EMID1: variants seen among roughly 807,000 people sequenced by gnomAD.
EMID1 encodes EMI domain-containing protein 1.
A neutral mutation model predicts 60.6 loss-of-function variants in EMID1; 40 were observed. The ratio of observed to expected loss-of-function variants is 0.66; its 90% CI spans 0.51 to 0.86. The LOEUF (loss-of-function observed/expected upper bound fraction) is 0.86. EMID1 is among the 40% of genes least tolerant of loss of function. The pLI, the probability that EMID1 is intolerant of heterozygous loss-of-function variation, is 0.00. For synonymous variants in EMID1, 242 were observed against 231.0 expected (o/e 1.05, Z -0.43); for missense variants, 585 against 597.1 (o/e 0.98, Z 0.21).
In EMID1 at chr22:29,256,293, C is replaced by G. The variant is rs557141960; in HGVS notation, c.1204+2006C>G. Among the ~76,000 whole-genome samples the G allele has an allele frequency of 2.6e-5, 4 of 151,812 alleles. No individual in the cohort carries two copies. The East Asian group carries it at 7.8e-4, about 29-fold the overall frequency. ...TTCAAGACCAGCCTGGGCAACATGGCGAAACCCCGTCTCTACTAAAAATTA... is the reference window on the plus strand; with the variant it reads ...TTCAAGACCAGCCTGGGCAACATGGGGAAACCCCGTCTCTACTAAAAATTA... On this transcript the variant is annotated intron_variant, in intron 14 of 14. Coordinates refer to ENST00000334018, the MANE Select transcript of EMID1 (RefSeq NM_133455.4).
rs559166638 is a variant in EMID1, at chr22:29,249,640, G to T, written c.1120-4563G>T. On this transcript the variant is annotated intron_variant, in intron 13 of 14. Coordinates refer to ENST00000334018, the MANE Select transcript of EMID1 (RefSeq NM_133455.4). ...TTTATTTATTTATTTTTGAGATGGAGTTTCACTCTTGTTGCCCAGGCTGGA... is the reference window on the plus strand; with the variant it reads ...TTTATTTATTTATTTTTGAGATGGATTTTCACTCTTGTTGCCCAGGCTGGA... Among the ~76,000 whole-genome samples the T allele has an allele frequency of 9.4e-5, 14 of 148,944 alleles. No homozygotes were observed. The South Asian group carries it at 3.0e-3, about 32-fold the overall frequency.
In EMID1 at chr22:29,216,229, GGCTGAGCACCCT is replaced by G. The variant is rs749944322; in HGVS notation, c.319+602_319+613del. 3.3e-4 allele frequency: 290 copies of G among 892,046 alleles called. 1 individual carries two copies. The Admixed American group carries it at 4.1e-3, about 13-fold the overall frequency. The allele number at this position is 892,046 out of a possible 1,614,324, so 55.3% of individuals were successfully genotyped here. On this transcript the variant is annotated intron_variant, in intron 3 of 14. Coordinates refer to ENST00000334018, the MANE Select transcript of EMID1 (RefSeq NM_133455.4). ...CTGTGTGTACCTCTGGGTGGCTCAGGGCTGAGCACCCTGCAGGGGCACAGAGGAGGCAGCCTG... is the reference window on the plus strand; with the variant it reads ...CTGTGTGTACCTCTGGGTGGCTCAGGGCAGGGGCACAGAGGAGGCAGCCTG...
At chr22:29,212,763 C>T (rs915916470) in intron 1 of EMID1, among the ~76,000 whole-genome samples, 3 of 152,150 alleles carry the variant, frequency 2.0e-5, no homozygotes, top group Non-Finnish European at 4.4e-5. Context: ...CAGGGTTTCT[C>T]CATGTTGCCC....
chr22:29,211,251 G>A (rs1444394311), intron 1 of EMID1, among the ~76,000 whole-genome samples: 1 of 152,248 alleles, frequency 6.6e-6, no homozygotes, highest in African/African-American at 2.4e-5. Context: ...TGAGGGCACA[G>A]AGTCCTGTAT....
chr22:29,227,299 C>T (rs1189238394), intron 5 of EMID1, among the ~76,000 whole-genome samples: 2 of 152,084 alleles, frequency 1.3e-5, no homozygotes, highest in Admixed American at 6.5e-5. Context: ...CCATGTTGCC[C>T]AGGCTGGTCT....
chr22:29,255,924 G>A (rs1260386750), intron 14 of EMID1, among the ~76,000 whole-genome samples: 7 of 152,164 alleles, frequency 4.6e-5, no homozygotes, highest in Admixed American at 4.6e-4. Context: ...GTCCTAGAAG[G>A]CAGGTTGGGG....
chr22:29,224,449 C>T (rs542642898), intron 3 of EMID1, among the ~76,000 whole-genome samples: 63 of 152,252 alleles, frequency 4.1e-4, no homozygotes, highest in Non-Finnish European at 4.9e-4. Flanking sequence ...CCAGCCAGGG[C>T]GGCTGGGGAG....
At chr22:29,256,105 C>T (rs1246661870) in intron 14 of EMID1, among the ~76,000 whole-genome samples, 6 of 152,128 alleles carry the variant, frequency 3.9e-5, no homozygotes, top group Non-Finnish European at 7.4e-5. Flanking sequence ...CCTGCCCAGC[C>T]GCCCTATCTC....
At chr22:29,248,085 T>G (rs565268948) in intron 13 of EMID1, among the ~76,000 whole-genome samples, 1 of 151,500 alleles carries the variant, frequency 6.6e-6, no homozygotes, top group East Asian at 1.9e-4. Context: ...CCCAAGTAGC[T>G]GGGACTACAG....
At chr22:29,217,013 C>A (rs1319212304) in intron 3 of EMID1, among the ~76,000 whole-genome samples, 1 of 152,142 alleles carries the variant, frequency 6.6e-6, no homozygotes, top group African/African-American at 2.4e-5. Flanking sequence ...GCAGGTGGGG[C>A]CGAGGGGCAG....
At chr22:29,241,026 G>A (rs2041135792) in intron 12 of EMID1, among the ~76,000 whole-genome samples, 1 of 152,158 alleles carries the variant, frequency 6.6e-6, no homozygotes, top group Non-Finnish European at 1.5e-5. Context: ...GAAGGACAAG[G>A]GCATTTTTCT....
intron 12 of EMID1, among the ~76,000 whole-genome samples, chr22:29,237,087 G>A (rs750067368): frequency 6.6e-5 from 10 of 151,636 alleles, no homozygotes; most frequent in East Asian, 1.9e-4. Context: ...GAGCCACCTC[G>A]CCCAGCTACT....
chr22:29,257,436 G>A (rs1381201039), intron 14 of EMID1, among the ~76,000 whole-genome samples: 1 of 152,188 alleles, frequency 6.6e-6, no homozygotes, highest in Non-Finnish European at 1.5e-5. Context: ...CATTTTACAG[G>A]TGAAGAAACA....
At chr22:29,207,870 G>A (rs1302425882) in intron 1 of EMID1, among the ~76,000 whole-genome samples, 9 of 152,042 alleles carry the variant, frequency 5.9e-5, no homozygotes, top group Non-Finnish European at 1.3e-4. Flanking sequence ...AGAGGTTGTC[G>A]GCTTGGGGGC....
chr22:29,234,156 G>A lies in EMID1; in HGVS notation c.986G>A (p.Gly329Glu). 1 of 1,597,286 alleles carries A rather than the reference G, an allele frequency of 6.3e-7. No homozygotes were observed. The highest frequency in any genetic ancestry group is 8.5e-7 in the Non-Finnish European group (1 of 1,171,496). ...GCTCAGGGACCCCCAGGCCCCACTG[G>A]ACCCAAAGGAATCTCTGGCCACCCA... ...PGHIGPPGPT[G>E]PKGISGHPGE... Residue 329 changes from glycine to glutamate, a missense_variant, in exon 11 of 15, where the codon GGA becomes GAA. By Grantham distance (98) the Gly-to-Glu change is moderately conservative. Transcript: ENST00000334018.
chr22:29,227,943 G>A (rs893392109), intron 5 of EMID1, among the ~76,000 whole-genome samples: 9 of 151,934 alleles, frequency 5.9e-5, no homozygotes, highest in Middle Eastern at 6.8e-3. Context: ...ATCACCTGAG[G>A]TCAAGAGTTC....
At chr22:29,232,069 G>C (rs2040768582) in intron 7 of EMID1, 187 bp from the exon 8 acceptor site, 1 of 638,054 alleles carries the variant, frequency 1.6e-6, no homozygotes, top group Non-Finnish European at 2.7e-6. Context: ...GGAAGACTCA[G>C]CCTGGACGAG....
chr22:29,238,661 C>T lies in EMID1; in HGVS notation c.1074+4312C>T, dbSNP rs544041337. ...CTCAAACTTCTGACCTCAGGTGATCCGCCCGCCTCGGCCTCCCAAAGTGGT... is the reference window on the plus strand; with the variant it reads ...CTCAAACTTCTGACCTCAGGTGATCTGCCCGCCTCGGCCTCCCAAAGTGGT... On this transcript the variant is annotated intron_variant, in intron 12 of 14. Transcript: ENST00000334018. Among the ~76,000 whole-genome samples the T allele has an allele frequency of 2.4e-4, 34 of 143,152 alleles. 6 individuals carry two copies. Among genetic ancestry groups the T allele is most frequent in the South Asian group, 1.4e-3 (6 of 4,418 alleles). 93.9% of individuals were successfully genotyped at this position (143,152 alleles called of 152,430 possible). A position where few individuals can be genotyped will look rare whatever the true frequency, so the allele number is the denominator to read the frequency against.
In EMID1 at chr22:29,258,850, G is replaced by A; in HGVS notation, c.1238G>A (p.Gly413Asp). The change falls in exon 15 of 15, where the codon GGC (glycine) becomes GAC (aspartate). Residue 413 changes from glycine (G) to aspartate (D), a missense_variant. Coordinates refer to ENST00000334018, the MANE Select transcript of EMID1 (RefSeq NM_133455.4). ...PELGSGAGPA[G>D]TGTPSLLRGK... ...CTGGGGTCTGGGGCGGGCCCTGCCG[G>A]CACAGGCACCCCCAGCCTCCTTCGG... 1 of 1,613,036 alleles carries A rather than the reference G, an allele frequency of 6.2e-7. No homozygotes were observed. The highest frequency in any genetic ancestry group is 8.5e-7 in the Non-Finnish European group (1 of 1,179,718).
Sources: allele counts gnomAD v4.1 joint callset (sites outside exome capture counted in the v4.1 genomes callset), GRCh38; gene constraint gnomAD v4.1.1; transcripts MANE v1.5; gene names NCBI Gene and HGNC (gene_info 2026-07-23, HGNC 2026-07-21).